Variants in ERC1 observed in about 807,000 individuals in gnomAD.
ERC1 encodes the protein RAB6 interacting protein 2.
In ERC1, 56 loss-of-function variants were observed where a neutral mutation model predicts 132.0. The ratio of observed to expected loss-of-function variants is 0.42; its 90% CI spans 0.34 to 0.53. ERC1 has a LOEUF of 0.53. ERC1 is among the 20% of genes least tolerant of loss of function. ERC1 has a pLI of 0.03. For missense variants in ERC1, 1,202 were observed against 1,349.9 expected (o/e 0.89, Z 1.72); for synonymous variants, 478 against 476.1 (o/e 1.00, Z -0.05).
At chr12:1,092,001 C>CTTT (rs34377863) in intron 3 of ERC1, among the ~76,000 whole-genome samples, 3,597 of 138,054 alleles carry the variant, frequency 0.026, 111 homozygotes, top group Non-Finnish European at 0.043. Flanking sequence ...TTAATCAATT[C>CTTT]TTTTTTTTTT....
intron 15 of ERC1, among the ~76,000 whole-genome samples, chr12:1,334,266 G>C (rs1359006540): frequency 6.6e-6 from 1 of 152,126 alleles, no homozygotes; most frequent in Non-Finnish European, 1.5e-5. Context: ...TTTTGCTTTT[G>C]TTGCAGTTGC....
intron 18 of ERC1, among the ~76,000 whole-genome samples, chr12:1,446,482 G>A (rs893469006): frequency 1.3e-5 from 2 of 152,214 alleles, no homozygotes; most frequent in African/African-American, 4.8e-5. Context: ...CACAGGTGGT[G>A]TAAACTTACT....
rs573539682 is a variant in ERC1 at position 1,232,758 on chromosome 12, T to C, written c.2352-4011T>C. Among the ~76,000 whole-genome samples, 4 of 152,184 alleles carry C rather than the reference T, an allele frequency of 2.6e-5. No individual in the cohort carries two copies. The East Asian group carries it at 5.8e-4, about 22-fold the overall frequency. ...TGTTTCTGGGTTCTCTTGAGTCTCATTGAGCTTCTTTAGGATGATTATCTT... is the reference window on the plus strand; with the variant it reads ...TGTTTCTGGGTTCTCTTGAGTCTCACTGAGCTTCTTTAGGATGATTATCTT... On this transcript the variant is annotated intron_variant, in intron 12 of 18. Coordinates refer to ENST00000360905, the MANE Select transcript of ERC1 (RefSeq NM_178040.4).
Position 1,007,540 on chromosome 12 carries a change from C to CTCTCTCTCTCTGTGTG in ERC1, c.-157+16219_-157+16220insCTCTCTCTCTGTGTGT, listed in dbSNP as rs1555194875. 6.2e-3 allele frequency among the ~76,000 whole-genome samples: 760 copies of CTCTCTCTCTCTGTGTG among 122,732 alleles called. 12 individuals carry two copies. Among genetic ancestry groups the CTCTCTCTCTCTGTGTG allele is most frequent in the African/African-American group, 0.019 (495 of 26,492 alleles). 80.5% of individuals were successfully genotyped at this position (122,732 alleles called of 152,430 possible). A position where few individuals can be genotyped will look rare whatever the true frequency, so the allele number is the denominator to read the frequency against. On this transcript the variant is annotated intron_variant, in intron 1 of 18. Transcript: ENST00000360905. Reference sequence around the variant, plus strand: ...ATTCTCTCTCTCTCTCTCTCTCTCTCTGTGTGTGTGTGTGTGTGTGTGTGT... The same window carrying CTCTCTCTCTCTGTGTG: ...ATTCTCTCTCTCTCTCTCTCTCTCTCTCTCTCTCTCTGTGTGTGTGTGTGTGTGTGTGTGTGTGTGT...
intron 14 of ERC1, among the ~76,000 whole-genome samples, chr12:1,277,940 A>G (rs1212364716): frequency 6.6e-6 from 1 of 152,172 alleles, no homozygotes; most frequent in Non-Finnish European, 1.5e-5. Context: ...CTTTCAATCA[A>G]ATTCTGTCAA....
intron 1 of ERC1, among the ~76,000 whole-genome samples, chr12:1,020,002 G>A (rs1371864570): frequency 2.0e-5 from 3 of 151,846 alleles, no homozygotes; most frequent in Non-Finnish European, 4.4e-5. Flanking sequence ...CAATTCTCCT[G>A]CCTTGTCTCC....
chr12:1,235,044 A>G (rs963298321), intron 12 of ERC1, among the ~76,000 whole-genome samples: 1 of 152,228 alleles, frequency 6.6e-6, no homozygotes, highest in Admixed American at 6.5e-5. Context: ...ATTGTATATT[A>G]TAAAGGAGAA....
At chr12:1,019,212 C>G (rs1326434690) in intron 1 of ERC1, among the ~76,000 whole-genome samples, 1 of 152,196 alleles carries the variant, frequency 6.6e-6, no homozygotes, top group African/African-American at 2.4e-5. Context: ...CAACCTCCGC[C>G]TCTTGGGCTG....
intron 8 of ERC1, among the ~76,000 whole-genome samples, chr12:1,141,992 G>A (rs551105141): frequency 5.0e-4 from 76 of 152,172 alleles, no homozygotes; most frequent in Non-Finnish European, 8.7e-4. Context: ...AACACTGTTA[G>A]TATCTTCCAG....
chr12:1,331,553 C>T (rs748421858), intron 15 of ERC1, among the ~76,000 whole-genome samples: 4 of 152,142 alleles, frequency 2.6e-5, no homozygotes, highest in Non-Finnish European at 4.4e-5. Flanking sequence ...CTCACAGAGC[C>T]GGTAGATACC....
At chr12:1,243,935 C>T (rs893365172) in intron 13 of ERC1, among the ~76,000 whole-genome samples, 1 of 152,084 alleles carries the variant, frequency 6.6e-6, no homozygotes, top group African/African-American at 2.4e-5. Flanking sequence ...ATATTTTTTT[C>T]TATGTAGAGC....
intron 2 of ERC1, among the ~76,000 whole-genome samples, chr12:1,077,603 G>A (rs1391832369): frequency 6.6e-6 from 1 of 152,194 alleles, no homozygotes; most frequent in Non-Finnish European, 1.5e-5. Flanking sequence ...GTTAGAGTGA[G>A]AAGTAGACTA....
chr12:1,315,164 T>G (rs2081595112), intron 15 of ERC1, among the ~76,000 whole-genome samples: 1 of 151,844 alleles, frequency 6.6e-6, no homozygotes, highest in South Asian at 2.1e-4. Flanking sequence ...GGACTACAGG[T>G]GTGCACCACC....
At chr12:1,196,905 TACACA>T (rs1200772882) in intron 12 of ERC1, among the ~76,000 whole-genome samples, 2 of 57,718 alleles carry the variant, frequency 3.5e-5, no homozygotes, top group Non-Finnish European at 6.4e-5. Flanking sequence ...TCTGTCTCTC[TACACA>T]CACACACACA....
intron 13 of ERC1, among the ~76,000 whole-genome samples, chr12:1,262,090 T>C (rs1192281419): frequency 6.6e-6 from 1 of 152,252 alleles, no homozygotes; most frequent in Non-Finnish European, 1.5e-5. Context: ...CTTTTCCTGA[T>C]ATGAGTACTC....
chr12:1,073,327 T>C (rs1011103113), intron 2 of ERC1, among the ~76,000 whole-genome samples: 1 of 151,334 alleles, frequency 6.6e-6, no homozygotes, highest in African/African-American at 2.4e-5. Context: ...AATGTTTTTT[T>C]CAGCAATGTG....
intron 12 of ERC1, among the ~76,000 whole-genome samples, chr12:1,207,474 A>G (rs1415081542): frequency 1.3e-5 from 2 of 152,110 alleles, no homozygotes; most frequent in Admixed American, 1.3e-4. Context: ...AAGCAACTCT[A>G]TTGTTCAAGA....
intron 16 of ERC1, among the ~76,000 whole-genome samples, chr12:1,400,916 A>ATTATTATTATTTTT (rs2090981093): frequency 2.0e-4 from 3 of 15,040 alleles, no homozygotes; most frequent in African/African-American, 9.3e-4. Flanking sequence ...CTATTTTTGT[A>ATTATTATTATTTTT]TTTTTTTTTT....
At chr12:1,007,475 TC>T (rs1963856263) in intron 1 of ERC1, among the ~76,000 whole-genome samples, 4 of 150,494 alleles carry the variant, frequency 2.7e-5, no homozygotes, top group Admixed American at 6.6e-5. Flanking sequence ...TCTCTCTCTC[TC>T]TCTCTCTCTC....
Sources: allele counts gnomAD v4.1 joint callset (sites outside exome capture counted in the v4.1 genomes callset), GRCh38; gene constraint gnomAD v4.1.1; transcripts MANE v1.5; gene names NCBI Gene and HGNC (gene_info 2026-07-23, HGNC 2026-07-21).